GALNT16: variants seen among roughly 807,000 people sequenced by gnomAD.
GALNT16 encodes UDP-GalNAc:polypeptide N-acetylgalactosaminyltransferase-like protein 1.
In GALNT16, 40 loss-of-function variants were observed where a neutral mutation model predicts 76.1. The ratio of observed to expected loss-of-function variants is 0.53; its 90% confidence interval spans 0.41 to 0.68. The LOEUF (loss-of-function observed/expected upper bound fraction) is 0.68. Among genes scored for constraint, GALNT16 ranks in the 30% least tolerant of loss-of-function variants. The probability of loss-of-function intolerance (pLI) is 0.00; values close to 1 mark genes in which losing one functional copy is unlikely to be tolerated. For synonymous variants in GALNT16, 276 were observed against 285.2 expected, an observed-to-expected ratio of 0.97 and a Z score of 0.32; for missense variants, 621 against 731.9, an observed-to-expected ratio of 0.85 and a Z score of 1.75.
At chr14:69,350,467 T>C (rs1280346010) in intron 14 of GALNT16, 1 of 152,150 alleles carries the variant, frequency 6.6e-6, no homozygotes, top group Non-Finnish European at 1.5e-5. Flanking sequence ...ATGAGGTAAA[T>C]GTCAAGGACT....
At chr14:69,319,780 C>T (rs2045150757) in intron 1 of GALNT16, among the ~76,000 whole-genome samples, 1 of 152,206 alleles carries the variant, frequency 6.6e-6, no homozygotes, top group African/African-American at 2.4e-5. Context: ...GTGGATCTTA[C>T]AGGGGCCATT....
At chr14:69,384,797 ACTT>A in the GALNT16 span, among the ~76,000 whole-genome samples, 30 of 152,298 alleles carry the variant, frequency 2.0e-4, no homozygotes, top group South Asian at 6.2e-4. Context: ...ACACAAAGCA[ACTT>A]CTTCTTAAAT....
At chr14:69,313,557 A>G (rs2045057949) in intron 1 of GALNT16, among the ~76,000 whole-genome samples, 1 of 107,064 alleles carries the variant, frequency 9.3e-6, no homozygotes, top group South Asian at 3.1e-4. Flanking sequence ...TGGAACCACA[A>G]GCACTCATAA....
intron 14 of GALNT16, 29 bp downstream of exon 14, chr14:69,348,031 C>G: frequency 2.5e-6 from 4 of 1,612,462 alleles, no homozygotes; most frequent in Non-Finnish European, 3.4e-6. Context: ...GGCCCAGAGG[C>G]CCAGCAGCCC....
At position 69,325,421 on chromosome 14, in the gene GALNT16, C is replaced by T. The variant is rs770816426; in HGVS notation, c.502+17C>T. 1.4e-6 allele frequency: 2 copies of T among 1,438,904 alleles called. No individual in the cohort carries two copies. 89.1% of individuals were successfully genotyped at this position (1,438,904 alleles called of 1,614,324 possible). ...GCTCAGATCGTGAGTAGTCACCTTC[C>T]TTTTTGCAGCCCTCCATTCCGCCCT... On this transcript the variant is annotated intron_variant, in intron 4 of 14. Coordinates refer to ENST00000448469, the MANE Select transcript of GALNT16 (RefSeq NM_001168368.2).
intron 1 of GALNT16, among the ~76,000 whole-genome samples, chr14:69,295,633 T>C (rs1397649010): frequency 6.6e-6 from 1 of 152,020 alleles, no homozygotes; most frequent in African/African-American, 2.4e-5. Context: ...GGCAGAAGAA[T>C]TGCTTGAACC....
chr14:69,325,884 C>A lies in GALNT16; in HGVS notation c.503-78C>A. On this transcript the variant is annotated intron_variant, in intron 4 of 14. Coordinates refer to ENST00000448469, the MANE Select transcript of GALNT16 (RefSeq NM_001168368.2). ...ACCCTTTCCTGGGCTTAGTATGGGG[C>A]AATTTTCATGGCAGCCAAACCACTA... The A allele has an allele frequency of 2.6e-6, 3 of 1,141,890 alleles. No individual in the cohort carries two copies. In the Admixed American group the frequency reaches 5.1e-5, roughly 20 times the overall value. 70.7% of individuals were successfully genotyped at this position (1,141,890 alleles called of 1,614,324 possible).
At chr14:69,337,496 A>G (rs2045429370) in intron 9 of GALNT16, among the ~76,000 whole-genome samples, 1 of 152,246 alleles carries the variant, frequency 6.6e-6, no homozygotes, top group Non-Finnish European at 1.5e-5. Flanking sequence ...TAACTAGCAT[A>G]ACAAAGTTGG....
At chr14:69,374,602 TC>T in the GALNT16 span, among the ~76,000 whole-genome samples, 1 of 152,228 alleles carries the variant, frequency 6.6e-6, no homozygotes, top group Non-Finnish European at 1.5e-5. Context: ...CTCAAGATAC[TC>T]AGGTGTGCAA....
chr14:69,306,238 T>C (rs139278536), intron 1 of GALNT16, among the ~76,000 whole-genome samples: 238 of 152,370 alleles, frequency 1.6e-3, no homozygotes, highest in Middle Eastern at 6.8e-3. Flanking sequence ...ATTTGGCTGT[T>C]TGTTGTTATA....
intron 1 of GALNT16, among the ~76,000 whole-genome samples, chr14:69,318,218 A>G (rs1390428883): frequency 6.6e-6 from 1 of 152,154 alleles, no homozygotes. Flanking sequence ...CCACCCAGAG[A>G]GTATGGCTTG....
Position 69,338,855 on chromosome 14 carries a change from A to G in GALNT16, c.1094+78A>G, listed in dbSNP as rs909528381. 14 of 1,222,620 alleles carry G rather than the reference A, an allele frequency of 1.1e-5. 1 individual carries two copies. In the Admixed American group the frequency reaches 1.4e-4, roughly 12 times the overall value. 75.7% of individuals were successfully genotyped at this position (1,222,620 alleles called of 1,614,324 possible). A position where few individuals can be genotyped will look rare whatever the true frequency, so the allele number is the denominator to read the frequency against. On this transcript the variant is annotated intron_variant, in intron 10 of 14. Transcript: ENST00000448469. ...GCCCCCAGCCTTGCCAGTTATCACT[A>G]TGTGACTGTGGGCAGCCACCTCACT...
the GALNT16 span, among the ~76,000 whole-genome samples, chr14:69,362,118 G>A: frequency 1.3e-5 from 2 of 152,216 alleles, no homozygotes; most frequent in Non-Finnish European, 2.9e-5. Flanking sequence ...ATTGCGAATG[G>A]TCTGCCTTGG....
At chr14:69,379,541 C>T in the GALNT16 span, among the ~76,000 whole-genome samples, 1 of 152,156 alleles carries the variant, frequency 6.6e-6, no homozygotes, top group African/African-American at 2.4e-5. Flanking sequence ...GTCAAGATAT[C>T]ACTGGCTGTT....
In GALNT16 at chr14:69,264,819, C is replaced by CT. The variant is rs60818532; in HGVS notation, c.177+4363dup. Among the ~76,000 whole-genome samples, 139 of 96,562 alleles carry CT rather than the reference C, an allele frequency of 1.4e-3. 17 individuals are homozygous for CT. In the Middle Eastern group the frequency reaches 0.054, roughly 37 times the overall value. The allele number at this position is 96,562 out of a possible 152,430, so 63.3% of individuals were successfully genotyped here. A position where few individuals can be genotyped will look rare whatever the true frequency, so the allele number is the denominator to read the frequency against. Reference sequence around the variant, plus strand: ...TTTATTTTCTCTTTTCTTTTTCTTTCTTTTTTTTTTTGGACACAGGGTCTC... The same window carrying CT: ...TTTATTTTCTCTTTTCTTTTTCTTTCTTTTTTTTTTTTGGACACAGGGTCTC... On this transcript the variant is annotated intron_variant, in intron 1 of 14. Coordinates refer to ENST00000448469, the MANE Select transcript of GALNT16 (RefSeq NM_001168368.2).
At chr14:69,272,150 C>A (rs1466258588) in intron 1 of GALNT16, among the ~76,000 whole-genome samples, 3 of 152,034 alleles carry the variant, frequency 2.0e-5, no homozygotes, top group African/African-American at 7.2e-5. Context: ...CATCTGAGGT[C>A]AGGAGTTCAA....
At chr14:69,274,419 A>G (rs990102741) in intron 1 of GALNT16, among the ~76,000 whole-genome samples, 3 of 152,152 alleles carry the variant, frequency 2.0e-5, no homozygotes, top group African/African-American at 7.2e-5. Flanking sequence ...GCTTGGCTAA[A>G]TGGTTCTGGG....
chr14:69,287,719 C>T (rs369456089), intron 1 of GALNT16, among the ~76,000 whole-genome samples: 8 of 152,180 alleles, frequency 5.3e-5, no homozygotes, highest in East Asian at 1.9e-4. Flanking sequence ...ACAGCCAACA[C>T]GGAGCCCGCC....
Position 69,333,663 on chromosome 14 carries a change from C to G in GALNT16, c.967+63C>G. On this transcript the variant is annotated intron_variant, in intron 9 of 14. Transcript: ENST00000448469. This position sits in a 1 kb window ranked among gnomAD's most constrained non-coding sequence, Gnocchi z 4.2. ...CAGTAATAACCACAGTTAACCCTGA[C>G]AGAGCACTTTCTATGCGTGAGGACC... The G allele has an allele frequency of 1.1e-6, 1 of 887,034 alleles. No individual in the cohort carries two copies. The highest frequency in any genetic ancestry group is 1.9e-6 in the Non-Finnish European group (1 of 533,948). The allele number at this position is 887,034 out of a possible 1,614,324, so 54.9% of individuals were successfully genotyped here.
Sources: allele counts gnomAD v4.1 joint callset (sites outside exome capture counted in the v4.1 genomes callset), GRCh38; gene constraint gnomAD v4.1.1; non-coding constraint Gnocchi (gnomAD v3.1); transcripts MANE v1.5; gene names NCBI Gene and HGNC (gene_info 2026-07-23, HGNC 2026-07-21).